The following DLGAP1 variants were observed in gnomAD, a reference collection of about 807,000 sequenced individuals.
DLGAP1 encodes DLG associated protein 1.
A neutral mutation model predicts 90.8 loss-of-function variants in DLGAP1; 11 were observed. The ratio of observed to expected loss-of-function variants is 0.12; its 90% CI spans 0.08 to 0.20. The LOEUF (loss-of-function observed/expected upper bound fraction) is 0.20, where lower values mean the gene tolerates loss of function less well. Among genes scored for constraint, DLGAP1 ranks in the 10% least tolerant of loss-of-function variants. The pLI, the probability that DLGAP1 is intolerant of heterozygous loss-of-function variation, is 1.00. For missense variants in DLGAP1, 1,050 were observed against 1,333.8 expected, an observed-to-expected ratio of 0.79 and a Z score of 3.31; for synonymous variants, 558 against 540.7, an observed-to-expected ratio of 1.03 and a Z score of -0.44.
intron 1 of DLGAP1, among the ~76,000 whole-genome samples, chr18:4,173,095 T>C (rs2077050115): frequency 6.6e-6 from 1 of 152,232 alleles, no homozygotes; most frequent in Non-Finnish European, 1.5e-5. Context: ...TAATCAGTAC[T>C]TGAGAAATAT....
chr18:3,849,470 C>T (rs549111864), intron 4 of DLGAP1, among the ~76,000 whole-genome samples: 1 of 152,186 alleles, frequency 6.6e-6, no homozygotes, highest in Admixed American at 6.5e-5. Flanking sequence ...TACAGAAGAT[C>T]TCAGGTACTA....
At chr18:4,351,891 A>G (rs946941982) in intron 1 of DLGAP1, among the ~76,000 whole-genome samples, 3 of 152,230 alleles carry the variant, frequency 2.0e-5, no homozygotes, top group African/African-American at 7.2e-5. Flanking sequence ...AAACACTCAA[A>G]TGTGTTTTTT....
chr18:3,508,297 C>T (rs4798097), intron 11 of DLGAP1, among the ~76,000 whole-genome samples: 62,504 of 151,936 alleles, frequency 0.41, 13,544 homozygotes, highest in East Asian at 0.68. Context: ...TATGTGAAAG[C>T]CAGGAAAATG....
intron 3 of DLGAP1, among the ~76,000 whole-genome samples, chr18:3,925,460 C>A (rs2072361449): frequency 6.6e-6 from 1 of 152,108 alleles, no homozygotes; most frequent in Non-Finnish European, 1.5e-5. Flanking sequence ...CACCTTCAGG[C>A]TCAGCCTTGG....
chr18:3,519,857 A>C (rs562888409), intron 10 of DLGAP1, among the ~76,000 whole-genome samples: 1 of 152,238 alleles, frequency 6.6e-6, no homozygotes, highest in Admixed American at 6.5e-5. Context: ...CCGCAACTAG[A>C]GTAATGAGAA....
At chr18:3,859,254 C>G (rs1057209426) in intron 4 of DLGAP1, among the ~76,000 whole-genome samples, 1 of 152,048 alleles carries the variant, frequency 6.6e-6, no homozygotes, top group African/African-American at 2.4e-5. Flanking sequence ...GTGAAATATC[C>G]AGGGACCAGT....
At chr18:3,772,458 C>CCTCTTTCTT (rs373662706) in intron 5 of DLGAP1, among the ~76,000 whole-genome samples, 4 of 83,714 alleles carry the variant, frequency 4.8e-5, no homozygotes, top group Non-Finnish European at 9.3e-5. Flanking sequence ...CCCCACCCCC[C>CCTCTTTCTT]TCTTTCTTTC....
At chr18:4,439,111 C>T (rs2083469159) in intron 1 of DLGAP1, among the ~76,000 whole-genome samples, 2 of 152,334 alleles carry the variant, frequency 1.3e-5, no homozygotes, top group South Asian at 4.1e-4. Flanking sequence ...AGGTGAGTCA[C>T]CTGCTCAGGC....
chr18:4,211,151 T>C (rs967696495), intron 1 of DLGAP1, among the ~76,000 whole-genome samples: 14 of 152,154 alleles, frequency 9.2e-5, no homozygotes, highest in Non-Finnish European at 1.5e-4. Flanking sequence ...AGCCACCTGG[T>C]TTACCGCATT....
At chr18:4,068,207 G>A (rs895322864) in intron 2 of DLGAP1, among the ~76,000 whole-genome samples, 2 of 151,586 alleles carry the variant, frequency 1.3e-5, no homozygotes, top group Non-Finnish European at 2.9e-5. Context: ...AATGCAATAT[G>A]GGCTTGATGA....
chr18:4,035,033 T>TTATGGCTGCATACACATA (rs1215827250), intron 2 of DLGAP1, among the ~76,000 whole-genome samples: 1 of 152,214 alleles, frequency 6.6e-6, no homozygotes, highest in Non-Finnish European at 1.5e-5. Context: ...CTGCATAGTA[T>TTATGGCTGCATACACATA]TCCATGGTGT....
chr18:3,620,855 G>T (rs1280360566), intron 7 of DLGAP1, among the ~76,000 whole-genome samples: 3 of 152,148 alleles, frequency 2.0e-5, no homozygotes, highest in Non-Finnish European at 4.4e-5. Context: ...ACCACGTCCG[G>T]CCTGGTATCA....
chr18:3,681,733 T>A (rs1179312495), intron 7 of DLGAP1, among the ~76,000 whole-genome samples: 2 of 151,934 alleles, frequency 1.3e-5, no homozygotes, highest in Non-Finnish European at 2.9e-5. Context: ...TTGTGGGGAG[T>A]GATTTGGTCA....
At chr18:3,726,350 T>C (rs1361032923) in intron 7 of DLGAP1, among the ~76,000 whole-genome samples, 2 of 152,194 alleles carry the variant, frequency 1.3e-5, no homozygotes. Flanking sequence ...CAGGAAATTA[T>C]ACTTGATTCA....
Position 3,567,536 on chromosome 18 carries a change from G to A in DLGAP1, c.2011C>T (p.Pro671Ser), listed in dbSNP as rs2054506004. The A allele has an allele frequency of 1.2e-6, 2 of 1,613,936 alleles. No homozygotes were observed. The highest frequency in any genetic ancestry group is 1.7e-6 in the Non-Finnish European group (2 of 1,179,966). Residue 671 changes from proline (P) to serine (S), a missense_variant, in exon 9 of 13, where the codon CCC becomes TCC. Pro to Ser is a moderately conservative substitution (Grantham distance 74, BLOSUM62 -1). Transcript: ENST00000315677. ...ACTCCCACGGACTGGAACTTACTGG[G>A]TGCTTTATTCTCCCCTGTTTTGTCA... The part of the protein sequence containing the change: ...EPDKTGENKA[P>S]SKFQSVGVQV...
intron 4 of DLGAP1, among the ~76,000 whole-genome samples, chr18:3,819,900 T>C (rs772484395): frequency 6.6e-6 from 1 of 152,198 alleles, no homozygotes; most frequent in Non-Finnish European, 1.5e-5. Flanking sequence ...AGGAAAAAAT[T>C]AATAAACAAA....
At chr18:4,285,481 A>G (rs533199408) in intron 1 of DLGAP1, among the ~76,000 whole-genome samples, 28 of 152,338 alleles carry the variant, frequency 1.8e-4, no homozygotes, top group African/African-American at 6.7e-4. Context: ...GGCAGATCAG[A>G]CAGATTTTTA....
chr18:4,278,558 G>A (rs1359145326), intron 1 of DLGAP1, among the ~76,000 whole-genome samples: 3 of 152,016 alleles, frequency 2.0e-5, no homozygotes, highest in Non-Finnish European at 4.4e-5. Context: ...TTTCTGAGTT[G>A]TTTCACTTAA....
At chr18:4,212,967 G>T (rs774039935) in intron 1 of DLGAP1, among the ~76,000 whole-genome samples, 15 of 151,994 alleles carry the variant, frequency 9.9e-5, no homozygotes, top group Non-Finnish European at 1.9e-4. Context: ...TAATAAAGTG[G>T]CAAATAAATT....
Sources: gnomAD v4.1 joint callset for allele counts (sites outside exome capture counted in the v4.1 genomes callset) on GRCh38, gnomAD v4.1.1 for gene constraint, MANE v1.5 for transcripts, NCBI Gene and HGNC (gene_info 2026-07-23, HGNC 2026-07-21) for gene names.